Variants in TIAM1 observed in about 807,000 individuals in gnomAD.
The protein encoded by TIAM1 is rho guanine nucleotide exchange factor TIAM1.
A neutral mutation model predicts 163.5 loss-of-function variants in TIAM1; 65 were observed. The observed-to-expected ratio is 0.40, with a 90% CI of 0.33 to 0.49. The LOEUF is 0.49. TIAM1 is among the 20% of genes least tolerant of loss of function. The pLI, the probability that TIAM1 is intolerant of heterozygous loss-of-function variation, is 0.77. For synonymous variants in TIAM1, 833 were observed against 810.1 expected (o/e 1.03, Z -0.48); for missense variants, 1,789 against 2,044.7 (o/e 0.87, Z 2.41).
intron 20 of TIAM1, among the ~76,000 whole-genome samples, chr21:31,142,137 C>T (rs1202780680): frequency 2.0e-5 from 3 of 152,102 alleles, no homozygotes; most frequent in African/African-American, 7.2e-5. Flanking sequence ...TGCATGTCCT[C>T]ATCTGGCCCG....
At chr21:31,461,652 T>A (rs986928734) in intron 2 of TIAM1, among the ~76,000 whole-genome samples, 2 of 151,996 alleles carry the variant, frequency 1.3e-5, no homozygotes, top group African/African-American at 4.8e-5. Flanking sequence ...CAAGGAAAAT[T>A]AAATAATTTT....
chr21:31,259,488 G>A (rs930567211), intron 4 of TIAM1, among the ~76,000 whole-genome samples: 4 of 151,942 alleles, frequency 2.6e-5, no homozygotes, highest in Non-Finnish European at 5.9e-5. Flanking sequence ...GTCCATGCCT[G>A]TAGTCCCAGC....
chr21:31,545,298 A>G (rs1301907821), intron 1 of TIAM1, among the ~76,000 whole-genome samples: 1 of 152,218 alleles, frequency 6.6e-6, no homozygotes, highest in East Asian at 1.9e-4. Context: ...GAGGCAAGAA[A>G]AGAATTTTCC....
chr21:31,244,458 C>T (rs1322996342), intron 6 of TIAM1, among the ~76,000 whole-genome samples: 2 of 152,208 alleles, frequency 1.3e-5, no homozygotes, highest in African/African-American at 2.4e-5. Context: ...GGCGCAGTGG[C>T]TTACACCTGT....
At chr21:31,211,113 T>C (rs1271854053) in intron 10 of TIAM1, among the ~76,000 whole-genome samples, 1 of 152,142 alleles carries the variant, frequency 6.6e-6, no homozygotes, top group Non-Finnish European at 1.5e-5. Context: ...CATGGCACAA[T>C]GTAGCAAAAA....
chr21:31,289,287 G>C (rs752264058), intron 2 of TIAM1, among the ~76,000 whole-genome samples: 1 of 152,152 alleles, frequency 6.6e-6, no homozygotes, highest in African/African-American at 2.4e-5. Flanking sequence ...GGTTAACTAT[G>C]GGACACAAGT....
intron 2 of TIAM1, among the ~76,000 whole-genome samples, chr21:31,373,318 T>A (rs766670395): frequency 2.0e-5 from 3 of 152,066 alleles, no homozygotes; most frequent in Admixed American, 6.6e-5. Context: ...TCTGCATTAG[T>A]CTCTTTTCAC....
chr21:31,545,432 G>A (rs1287335644), intron 1 of TIAM1, among the ~76,000 whole-genome samples: 1 of 152,196 alleles, frequency 6.6e-6, no homozygotes, highest in African/African-American at 2.4e-5. Flanking sequence ...TTGTTACCGG[G>A]AGGAAACTAA....
chr21:31,252,076 G>A lies in TIAM1; in HGVS notation c.1077C>T (p.Pro359=). 2 of 1,614,062 alleles carry A rather than the reference G, an allele frequency of 1.2e-6. No individual in the cohort carries two copies. Among genetic ancestry groups the A allele is most frequent in the East Asian group, 2.2e-5 (1 of 44,882 alleles). Reference sequence around the variant, plus strand: ...TGCCCACAAAGGCCCGGCCTGTGGTGGGTGAGTAGCTGGAGTTGGTGGCAT... The same window carrying A: ...TGCCCACAAAGGCCCGGCCTGTGGTAGGTGAGTAGCTGGAGTTGGTGGCAT... The part of the protein sequence containing the change: ...RSNATNSSYS[P]TTGRAFVGSD... Residue 359 remains proline, a synonymous_variant, in exon 5 of 28, where the codon CCC becomes CCT. Transcript: ENST00000541036.
intron 1 of TIAM1, among the ~76,000 whole-genome samples, chr21:31,489,796 G>T (rs2046406457): frequency 6.6e-6 from 1 of 152,104 alleles, no homozygotes; most frequent in Non-Finnish European, 1.5e-5. Context: ...GGAGGGGAAG[G>T]TCAAATCCCC....
At position 31,504,999 on chromosome 21, in the gene TIAM1, C is replaced by T. The variant is rs111392955; in HGVS notation, c.-421-40964G>A. On this transcript the variant is annotated intron_variant, in intron 1 of 28. Transcript: ENST00000286827. ...ATTTGTTATTAGCCTCTGACAGTCC[C>T]GCACTGGAGACCTCAGAAACACCAA... Among the ~76,000 whole-genome samples the T allele has an allele frequency of 3.2e-4, 49 of 152,224 alleles. 1 individual carries two copies. Among genetic ancestry groups the T allele is most frequent in the African/African-American group, 1.2e-3 (48 of 41,524 alleles).
In TIAM1 at chr21:31,231,926, C is replaced by T. The variant is rs118101282; in HGVS notation, c.1585-5976G>A. On this transcript the variant is annotated intron_variant, in intron 6 of 27. Transcript: ENST00000541036. ...TACTCGGGAGGCTGAGGCACAAAAT[C>T]GCTTGAACCCGGGAGGCGGAGGTTG... Among the ~76,000 whole-genome samples, 278 of 151,942 alleles carry T rather than the reference C, an allele frequency of 1.8e-3. 6 individuals carry two copies. In the East Asian group the frequency reaches 0.05, roughly 27 times the overall value.
At chr21:31,281,085 C>CAAAAAAAAAAAAAAAAAAA (rs748020575) in intron 2 of TIAM1, among the ~76,000 whole-genome samples, 1 of 63,732 alleles carries the variant, frequency 1.6e-5, no homozygotes, top group Admixed American at 1.9e-4. Flanking sequence ...GACCCTAACT[C>CAAAAAAAAAAAAAAAAAAA]AAAAAAAAAA....
At chr21:31,195,932 T>C (rs2085827970) in intron 12 of TIAM1, among the ~76,000 whole-genome samples, 1 of 152,156 alleles carries the variant, frequency 6.6e-6, no homozygotes, top group Non-Finnish European at 1.5e-5. Context: ...AAGTGGGACC[T>C]AATTAAACTA....
chr21:31,334,188 T>G (rs1305083186), intron 2 of TIAM1, among the ~76,000 whole-genome samples: 1 of 152,214 alleles, frequency 6.6e-6, no homozygotes, highest in East Asian at 1.9e-4. Context: ...CCATTTTATT[T>G]TCACTTAATG....
At position 31,266,467 on chromosome 21, in the gene TIAM1, C is replaced by T. The variant is rs775770647; in HGVS notation, c.506G>A (p.Arg169His). The T allele has an allele frequency of 3.1e-6, 5 of 1,614,148 alleles. No homozygotes were observed. Among genetic ancestry groups the T allele is most frequent in the East Asian group, 2.2e-5 (1 of 44,872 alleles). Residue 169 changes from arginine to histidine, a missense_variant, in exon 4 of 28, where the codon CGC (arginine) becomes CAC (histidine). By Grantham distance (29) the Arg-to-His change is conservative (BLOSUM62 0). Around this residue, in one of 5 missense-constraint regions of TIAM1, gnomAD observed 555 missense variants for 564.9 expected, o/e 0.98. Transcript: ENST00000541036. Reference protein sequence around the residue: ...FMETASFKKKRSKSADIWRED... With the variant: ...FMETASFKKKHSKSADIWRED... ...CCGCCAGATGTCTGCAGATTTGGAG[C>T]GTTTCTTCTTAAAGCTCGCCGTCTC...
chr21:31,478,152 AT>A (rs1746572597), intron 1 of TIAM1, among the ~76,000 whole-genome samples: 1 of 152,212 alleles, frequency 6.6e-6, no homozygotes, highest in South Asian at 2.1e-4. Context: ...TGCAATTTTA[AT>A]TTTTAGCAAG....
chr21:31,473,428 TCAAAAAAA>T (rs1466901564), intron 1 of TIAM1, among the ~76,000 whole-genome samples: 2 of 29,300 alleles, frequency 6.8e-5, no homozygotes, highest in African/African-American at 2.7e-4. Context: ...AGACTCCATC[TCAAAAAAA>T]AAAAAAAAAA....
At chr21:31,361,896 C>T (rs977728358) in intron 2 of TIAM1, among the ~76,000 whole-genome samples, 6 of 147,998 alleles carry the variant, frequency 4.1e-5, no homozygotes, top group Non-Finnish European at 7.5e-5. Flanking sequence ...CATGTGTATA[C>T]ATTTGGTATG....
Sources: allele counts gnomAD v4.1 joint callset (sites outside exome capture counted in the v4.1 genomes callset), GRCh38; gene constraint gnomAD v4.1.1; regional missense constraint gnomAD v4.1.1; transcripts MANE v1.5; gene names NCBI Gene and HGNC (gene_info 2026-07-23, HGNC 2026-07-21).